KLF8: variants seen among roughly 807,000 people sequenced by gnomAD.
KLF8 encodes the protein Krueppel-like factor 8.
A neutral mutation model predicts 18.2 loss-of-function variants in KLF8; 10 were observed. That is an observed-to-expected ratio of 0.55 (90% CI 0.34 to 0.93). The LOEUF (loss-of-function observed/expected upper bound fraction) is 0.93, where lower values mean the gene tolerates loss of function less well. KLF8 is among the 40% of genes least tolerant of loss of function. The probability of loss-of-function intolerance (pLI) is 0.02; values close to 1 mark genes in which losing one functional copy is unlikely to be tolerated. For missense variants in KLF8, 264 were observed against 277.9 expected, an observed-to-expected ratio of 0.95 and a Z score of 0.36; for synonymous variants, 109 against 97.3, an observed-to-expected ratio of 1.12 and a Z score of -0.71.
the KLF8 span, among the ~76,000 whole-genome samples, chrX:55,968,664 T>C: frequency 8.9e-6 from 1 of 111,771 alleles, no homozygotes. Flanking sequence ...GATGGTTTTA[T>C]AAAAGGGCAG....
the KLF8 span, among the ~76,000 whole-genome samples, chrX:56,148,103 T>C: frequency 1.8e-5 from 2 of 112,290 alleles, no homozygotes; most frequent in East Asian, 5.6e-4. Flanking sequence ...AATAAAAATG[T>C]TTGGGCATAT....
At chrX:56,227,914 CA>C (rs1569170569), upstream of KLF8, among the ~76,000 whole-genome samples, 21 of 108,630 alleles carry the variant, frequency 1.9e-4, no homozygotes, top group East Asian at 1.5e-3. Flanking sequence ...CACACACACA[CA>C]CACCTAGTCA....
the KLF8 span, among the ~76,000 whole-genome samples, chrX:56,064,752 CG>C: frequency 9.0e-6 from 1 of 111,257 alleles, no homozygotes; most frequent in Non-Finnish European, 1.9e-5. Flanking sequence ...TCCAGGTGTA[CG>C]ACTTTCTTAA....
chrX:56,034,786 C>T, the KLF8 span, among the ~76,000 whole-genome samples: 3 of 72,102 alleles, frequency 4.2e-5, no homozygotes, highest in African/African-American at 5.4e-5. Flanking sequence ...GATGGAGTCT[C>T]GCTCTGTGGC....
chrX:56,019,819 A>G, the KLF8 span, among the ~76,000 whole-genome samples: 8 of 112,011 alleles, frequency 7.1e-5, no homozygotes, highest in Non-Finnish European at 1.5e-4. Context: ...AATGTAACAC[A>G]TAGTTAGACA....
the KLF8 span, among the ~76,000 whole-genome samples, chrX:56,121,431 T>C: frequency 0.53 from 58,681 of 110,561 alleles, 13,725 homozygotes; most frequent in Non-Finnish European, 0.73. Flanking sequence ...GACTGACTTG[T>C]CTATTGGCAT....
intron 2 of KLF8, among the ~76,000 whole-genome samples, chrX:56,256,149 A>G (rs750410041): frequency 9.0e-6 from 1 of 110,860 alleles, no homozygotes; most frequent in South Asian, 3.8e-4. Flanking sequence ...TTTTTTCTAG[A>G]TTTTTCAATT....
At chrX:56,113,216 G>A in the KLF8 span, among the ~76,000 whole-genome samples, 1 of 105,325 alleles carries the variant, frequency 9.5e-6, no homozygotes, top group African/African-American at 3.5e-5. Flanking sequence ...AAAAAAAAAA[G>A]ACAGTCTTTG....
At chrX:56,214,052 C>T in the KLF8 span, among the ~76,000 whole-genome samples, 3 of 111,391 alleles carry the variant, frequency 2.7e-5, no homozygotes, top group Non-Finnish European at 5.7e-5. Flanking sequence ...TCTCTGAAGT[C>T]CTGCCATAAA....
chrX:55,991,193 G>A, the KLF8 span, among the ~76,000 whole-genome samples: 1 of 112,055 alleles, frequency 8.9e-6, no homozygotes. Flanking sequence ...ACCTACTCAA[G>A]CCTCGGCAAT....
the KLF8 span, among the ~76,000 whole-genome samples, chrX:55,963,326 C>T: frequency 8.9e-6 from 1 of 111,898 alleles, no homozygotes; most frequent in African/African-American, 3.2e-5. Flanking sequence ...GTTGTCTCTG[C>T]CCAGTTGGAC....
chrX:55,987,470 A>G, the KLF8 span, among the ~76,000 whole-genome samples: 9 of 110,597 alleles, frequency 8.1e-5, no homozygotes, highest in East Asian at 2.6e-3. Context: ...TTGTCCTTGC[A>G]ATAGTTTGCT....
chrX:55,974,335 CAGAAAT>C, the KLF8 span, among the ~76,000 whole-genome samples: 1 of 110,306 alleles, frequency 9.1e-6, no homozygotes, highest in Non-Finnish European at 1.9e-5. Context: ...AAAGTTGAAA[CAGAAAT>C]AGAAAAAGAG....
At chrX:56,077,021 A>C in the KLF8 span, among the ~76,000 whole-genome samples, 7 of 111,381 alleles carry the variant, frequency 6.3e-5, no homozygotes, top group East Asian at 1.7e-3. Context: ...GTTTGAGTTC[A>C]TTGTAGATTC....
the KLF8 span, among the ~76,000 whole-genome samples, chrX:55,956,169 CATCT>C: frequency 1.3e-3 from 106 of 81,859 alleles, no homozygotes; most frequent in Middle Eastern, 0.012. Context: ...ATCTATCTAT[CATCT>C]ATCTATCTAT....
the KLF8 span, among the ~76,000 whole-genome samples, chrX:56,069,539 A>T: frequency 9.0e-6 from 1 of 111,271 alleles, no homozygotes; most frequent in Admixed American, 9.5e-5. Flanking sequence ...TGGCATCCCC[A>T]CCCACCCCCA....
chrX:56,129,828 T>TGGG, the KLF8 span, among the ~76,000 whole-genome samples: 1 of 110,936 alleles, frequency 9.0e-6, no homozygotes, highest in East Asian at 2.9e-4. Context: ...GCTGTCAGGG[T>TGGG]GGGGCACGGT....
the KLF8 span, among the ~76,000 whole-genome samples, chrX:55,972,011 C>G: frequency 9.0e-6 from 1 of 110,650 alleles, no homozygotes; most frequent in Admixed American, 9.6e-5. Context: ...TCCATAAAAT[C>G]CATAAAATCC....
Position 56,284,419 on chromosome X carries a change from G to A in KLF8, c.1005G>A (p.Arg335=). 1.7e-6 allele frequency: 2 copies of A among 1,209,004 alleles called. No homozygotes were observed. Among genetic ancestry groups the A allele is most frequent in the South Asian group, 3.6e-5 (2 of 56,273 alleles). Reference sequence around the variant, plus strand: ...AGCACACAGGCATCAAGCCTTTTCGGTGCACAGACTGCAACCGCAGCTTTT... The same window carrying A: ...AGCACACAGGCATCAAGCCTTTTCGATGCACAGACTGCAACCGCAGCTTTT... ...FRKHTGIKPF[R]CTDCNRSFSR... is the part of the protein sequence containing the mutation. The change falls in exon 6 of 6, where the codon CGG becomes CGA. Residue 335 remains arginine (R), a synonymous_variant. Transcript: ENST00000468660.
Sources: allele counts gnomAD v4.1 joint callset (sites outside exome capture counted in the v4.1 genomes callset), GRCh38; gene constraint gnomAD v4.1.1; transcripts MANE v1.5; gene names NCBI Gene and HGNC (gene_info 2026-07-23, HGNC 2026-07-21).